Variants in ANKS1B observed in about 807,000 individuals in gnomAD.
ANKS1B encodes ankyrin repeat and sterile alpha motif domain-containing protein 1B.
In ANKS1B, 36 loss-of-function variants were observed where a neutral mutation model predicts 148.3. The observed-to-expected ratio is 0.24, with a 90% CI of 0.19 to 0.32. ANKS1B has a LOEUF of 0.32. ANKS1B is among the 10% of genes least tolerant of loss of function. The pLI is 1.00. For missense variants in ANKS1B, 1,157 were observed against 1,542.6 expected, an observed-to-expected ratio of 0.75 and a Z score of 4.19; for synonymous variants, 542 against 560.8, an observed-to-expected ratio of 0.97 and a Z score of 0.47.
At chr12:98,768,752 AT>A (rs1405658035) in intron 25 of ANKS1B, among the ~76,000 whole-genome samples, 52 of 147,528 alleles carry the variant, frequency 3.5e-4, no homozygotes, top group African/African-American at 1.0e-3. Context: ...AAAAAAAAAA[AT>A]GGCTACCATG....
intron 17 of ANKS1B, among the ~76,000 whole-genome samples, chr12:98,877,157 T>C (rs2099693320): frequency 6.6e-6 from 1 of 152,166 alleles, no homozygotes; most frequent in Non-Finnish European, 1.5e-5. Flanking sequence ...TGAATTTTGG[T>C]CTACCTGCAG....
At chr12:99,007,045 G>T (rs527294740) in intron 17 of ANKS1B, among the ~76,000 whole-genome samples, 9 of 138,986 alleles carry the variant, frequency 6.5e-5, no homozygotes, top group African/African-American at 2.2e-4. Context: ...ACCCAAAATA[G>T]ATATAATAAA....
At chr12:99,185,439 A>G (rs2079690815) in intron 14 of ANKS1B, among the ~76,000 whole-genome samples, 1 of 152,196 alleles carries the variant, frequency 6.6e-6, no homozygotes, top group Non-Finnish European at 1.5e-5. Context: ...AGAAGATGTC[A>G]TGAAGGTGGC....
intron 14 of ANKS1B, among the ~76,000 whole-genome samples, chr12:99,179,393 C>G (rs1018094471): frequency 7.4e-6 from 1 of 135,864 alleles, no homozygotes; most frequent in Admixed American, 8.1e-5. Context: ...GGCACCACTG[C>G]ACTCCGGCCT....
At chr12:99,887,783 A>T (rs570367107) in intron 1 of ANKS1B, among the ~76,000 whole-genome samples, 1 of 152,270 alleles carries the variant, frequency 6.6e-6, no homozygotes, top group Non-Finnish European at 1.5e-5. Context: ...TTCCTAATCC[A>T]CTTCCCTGTT....
intron 1 of ANKS1B, among the ~76,000 whole-genome samples, chr12:99,883,741 C>A (rs1164039304): frequency 6.6e-6 from 1 of 152,096 alleles, no homozygotes; most frequent in African/African-American, 2.4e-5. Context: ...CATGGTGAAA[C>A]CTCGTCTCTA....
At chr12:99,798,646 G>A (rs1465946811) in intron 4 of ANKS1B, among the ~76,000 whole-genome samples, 4 of 151,920 alleles carry the variant, frequency 2.6e-5, no homozygotes, top group South Asian at 4.1e-4. Context: ...GAAAAACATC[G>A]TGTGAAGAAT....
At chr12:98,889,688 T>A (rs1485172397) in intron 17 of ANKS1B, among the ~76,000 whole-genome samples, 1 of 152,224 alleles carries the variant, frequency 6.6e-6, no homozygotes, top group Non-Finnish European at 1.5e-5. Context: ...GGTTTTTTAT[T>A]GTGTATAACT....
chr12:99,047,807 T>C (rs1282280421), intron 17 of ANKS1B, among the ~76,000 whole-genome samples: 10 of 152,174 alleles, frequency 6.6e-5, no homozygotes, highest in Non-Finnish European at 5.9e-5. Context: ...CCTCACACTA[T>C]AGAATAATGT....
At chr12:98,880,590 C>T (rs1238852457) in intron 17 of ANKS1B, among the ~76,000 whole-genome samples, 1 of 151,932 alleles carries the variant, frequency 6.6e-6, no homozygotes, top group Non-Finnish European at 1.5e-5. Context: ...CATGGTGAAA[C>T]CCCATCTCTA....
In ANKS1B at chr12:99,396,945, A is replaced by G. The variant is rs148017052; in HGVS notation, c.1756+2686T>C. 1.1e-4 allele frequency among the ~76,000 whole-genome samples: 16 copies of G among 152,224 alleles called. No individual in the cohort carries two copies. In the East Asian group the frequency reaches 2.9e-3, roughly 28 times the overall value. ...GTCATTGCCCCATTTTAGGTTTTCA[A>G]ATCTGGAACTAGTCATTCAAATAAA... is the stretch of plus-strand genomic sequence containing the variant. On this transcript the variant is annotated intron_variant, in intron 12 of 26. Transcript: ENST00000683438.
chr12:99,062,817 A>T (rs191737237), intron 16 of ANKS1B, among the ~76,000 whole-genome samples: 8 of 152,268 alleles, frequency 5.3e-5, no homozygotes, highest in African/African-American at 1.4e-4. Flanking sequence ...GGTGCAGTGG[A>T]GATTGCAGGG....
intron 8 of ANKS1B, among the ~76,000 whole-genome samples, chr12:99,719,859 T>C (rs531780309): frequency 6.6e-6 from 1 of 152,308 alleles, no homozygotes; most frequent in South Asian, 2.1e-4. Context: ...ACTGATAAGA[T>C]AGCTAAAAAA....
rs1380377716 is a variant in ANKS1B at position 99,127,180 on chromosome 12, C to T, written c.2526+27109G>A. Among the ~76,000 whole-genome samples, 6 of 152,222 alleles carry T rather than the reference C, an allele frequency of 3.9e-5. No homozygotes were observed. In the South Asian group the frequency reaches 6.2e-4, roughly 16 times the overall value. On this transcript the variant is annotated intron_variant, in intron 15 of 26. Coordinates refer to ENST00000683438, the MANE Select transcript of ANKS1B (RefSeq NM_001352186.2). ...TGAATAATTTGCCTATAAAATATCA[C>T]GTTGAATTTGGGAGGCTGAATATGG...
At chr12:98,926,660 C>T (rs373324865) in intron 17 of ANKS1B, among the ~76,000 whole-genome samples, 7 of 152,136 alleles carry the variant, frequency 4.6e-5, no homozygotes, top group East Asian at 1.9e-4. Context: ...ATGAAAATAA[C>T]GTTTTGGCAA....
At chr12:99,142,364 T>G (rs1469007621) in intron 15 of ANKS1B, among the ~76,000 whole-genome samples, 3 of 152,102 alleles carry the variant, frequency 2.0e-5, no homozygotes, top group African/African-American at 7.2e-5. Flanking sequence ...CTGATGGTAT[T>G]AAGGCCTGAT....
At chr12:99,719,830 C>T (rs990122642) in intron 8 of ANKS1B, among the ~76,000 whole-genome samples, 4 of 152,124 alleles carry the variant, frequency 2.6e-5, no homozygotes, top group Admixed American at 6.5e-5. Context: ...CAGATCCCAT[C>T]GCTCAGGACA....
At chr12:98,969,478 T>G (rs2099881363) in intron 17 of ANKS1B, among the ~76,000 whole-genome samples, 1 of 152,132 alleles carries the variant, frequency 6.6e-6, no homozygotes. Context: ...CTCCTCATAC[T>G]CACATGCTGT....
intron 17 of ANKS1B, among the ~76,000 whole-genome samples, chr12:98,882,581 C>T (rs1207691658): frequency 6.6e-6 from 1 of 152,062 alleles, no homozygotes; most frequent in Non-Finnish European, 1.5e-5. Context: ...TGTACTTTCT[C>T]AAGAATGCAC....
Sources: allele counts gnomAD v4.1 joint callset (sites outside exome capture counted in the v4.1 genomes callset), GRCh38; gene constraint gnomAD v4.1.1; transcripts MANE v1.5; gene names NCBI Gene and HGNC (gene_info 2026-07-23, HGNC 2026-07-21).